Variants in SUGCT observed in about 807,000 individuals in gnomAD.
SUGCT encodes the protein succinyl-CoA:glutarate CoA-transferase.
Under a neutral mutation model 55.0 loss-of-function variants are expected in SUGCT, and 41 were observed. The observed-to-expected ratio is 0.74, with a 90% CI of 0.58 to 0.97. The LOEUF is 0.97. SUGCT is among the 50% of genes least tolerant of loss of function. SUGCT has a pLI of 0.00. For missense variants in SUGCT, 568 were observed against 547.8 expected (o/e 1.04, Z -0.37); for synonymous variants, 187 against 200.4 (o/e 0.93, Z 0.56).
At position 40,672,515 on chromosome 7, in the gene SUGCT, T is replaced by C. The variant is rs577249004; in HGVS notation, c.1090-76919T>C. ...ATGTACATTCTTGAAATAACAAAAT[T>C]ATAGAAATGGAAACTAGATGAGTGG... On this transcript the variant is annotated intron_variant, in intron 12 of 13. Transcript: ENST00000335693. Among the ~76,000 whole-genome samples the C allele has an allele frequency of 3.3e-5, 5 of 152,186 alleles. No individual in the cohort carries two copies. In the East Asian group the frequency reaches 9.7e-4, roughly 29 times the overall value.
chr7:40,750,384 G>C (rs978614156), intron 13 of SUGCT, among the ~76,000 whole-genome samples: 4 of 152,006 alleles, frequency 2.6e-5, no homozygotes, highest in Non-Finnish European at 5.9e-5. Flanking sequence ...TCTGATGGAG[G>C]TCAGTGAAAT....
intron 9 of SUGCT, among the ~76,000 whole-genome samples, chr7:40,318,650 T>A (rs1795561152): frequency 6.6e-6 from 1 of 152,238 alleles, no homozygotes; most frequent in Non-Finnish European, 1.5e-5. Flanking sequence ...TTGGCCAGAC[T>A]GGCCTCGACC....
chr7:40,934,010 G>T, the SUGCT span, among the ~76,000 whole-genome samples: 6,097 of 152,268 alleles, frequency 0.04, 140 homozygotes, highest in South Asian at 0.073. Flanking sequence ...TGGAGGAGAA[G>T]AGGCACTTTG....
chr7:40,219,893 C>A (rs1584376592), intron 6 of SUGCT, among the ~76,000 whole-genome samples: 2 of 146,986 alleles, frequency 1.4e-5, no homozygotes, highest in South Asian at 2.1e-4. Context: ...TCCCTTATAA[C>A]AAGTGTCAAT....
chr7:40,773,599 G>A (rs1562995054), intron 13 of SUGCT, among the ~76,000 whole-genome samples: 1 of 152,176 alleles, frequency 6.6e-6, no homozygotes, highest in South Asian at 2.1e-4. Flanking sequence ...GCAGCTCTCC[G>A]ATGGGAAAAT....
At chr7:40,558,787 C>T (rs903305547) in intron 12 of SUGCT, among the ~76,000 whole-genome samples, 1 of 152,108 alleles carries the variant, frequency 6.6e-6, no homozygotes, top group Non-Finnish European at 1.5e-5. Flanking sequence ...TATACTTTAC[C>T]ACAGTTTTAA....
At chr7:40,650,160 G>A (rs1800707233) in intron 12 of SUGCT, among the ~76,000 whole-genome samples, 1 of 152,186 alleles carries the variant, frequency 6.6e-6, no homozygotes, top group South Asian at 2.1e-4. Flanking sequence ...TCCTTGCCAC[G>A]TGGGTATCTC....
chr7:40,355,999 G>A (rs1332115509), intron 9 of SUGCT, among the ~76,000 whole-genome samples: 1 of 152,198 alleles, frequency 6.6e-6, no homozygotes, highest in African/African-American at 2.4e-5. Flanking sequence ...ACTTCCAATT[G>A]AAAGTTAGGT....
At chr7:40,510,936 A>G (rs1419295122) in intron 12 of SUGCT, among the ~76,000 whole-genome samples, 4 of 152,290 alleles carry the variant, frequency 2.6e-5, no homozygotes, top group South Asian at 2.1e-4. Context: ...TCCAATATAC[A>G]GATTCCAGAG....
chr7:40,891,816 T>C, the SUGCT span, among the ~76,000 whole-genome samples: 1 of 152,168 alleles, frequency 6.6e-6, no homozygotes, highest in African/African-American at 2.4e-5. Context: ...GAGACCATCC[T>C]GGCTAACAAG....
At chr7:40,632,525 A>G (rs1428753873) in intron 12 of SUGCT, among the ~76,000 whole-genome samples, 1 of 147,016 alleles carries the variant, frequency 6.8e-6, no homozygotes, top group African/African-American at 2.5e-5. Context: ...ACATGAAGAC[A>G]TACTAGATAG....
intron 8 of SUGCT, among the ~76,000 whole-genome samples, chr7:40,302,739 C>G (rs1291526744): frequency 6.6e-6 from 1 of 152,124 alleles, no homozygotes; most frequent in Non-Finnish European, 1.5e-5. Context: ...TCATTATTAA[C>G]TGATTACAGA....
chr7:40,757,487 A>G (rs1788316868), intron 13 of SUGCT, among the ~76,000 whole-genome samples: 1 of 152,226 alleles, frequency 6.6e-6, no homozygotes, highest in Admixed American at 6.5e-5. Context: ...CGATAAGTGA[A>G]TGTGTCTAAC....
At chr7:40,452,838 G>A (rs985279745) in intron 10 of SUGCT, among the ~76,000 whole-genome samples, 7 of 152,094 alleles carry the variant, frequency 4.6e-5, no homozygotes, top group Non-Finnish European at 7.4e-5. Flanking sequence ...CACTTACCCC[G>A]AGCACGGTGA....
At chr7:40,543,823 A>G (rs759327067) in intron 12 of SUGCT, among the ~76,000 whole-genome samples, 2 of 152,208 alleles carry the variant, frequency 1.3e-5, no homozygotes, top group African/African-American at 2.4e-5. Context: ...GTGTGTTTTA[A>G]TAATAAGTAT....
At chr7:40,236,442 C>CAAAAAAAAAAAAAAAAAA (rs60720770) in intron 6 of SUGCT, among the ~76,000 whole-genome samples, 2 of 90,020 alleles carry the variant, frequency 2.2e-5, no homozygotes, top group African/African-American at 5.0e-5. Flanking sequence ...TTTCTGATGG[C>CAAAAAAAAAAAAAAAAAA]AAAAAAAAAA....
chr7:40,575,630 A>T (rs1003492455), intron 12 of SUGCT, among the ~76,000 whole-genome samples: 2 of 151,888 alleles, frequency 1.3e-5, no homozygotes, highest in Non-Finnish European at 2.9e-5. Context: ...TTAGGTTTCC[A>T]TCACTTGTAC....
intron 8 of SUGCT, among the ~76,000 whole-genome samples, chr7:40,308,847 T>TA (rs1397796933): frequency 6.6e-6 from 1 of 152,086 alleles, no homozygotes; most frequent in African/African-American, 2.4e-5. Context: ...CTGCCTCTAC[T>TA]AAAAATACAA....
At chr7:40,165,318 C>G (rs1398630158) in intron 1 of SUGCT, among the ~76,000 whole-genome samples, 1 of 152,044 alleles carries the variant, frequency 6.6e-6, no homozygotes, top group African/African-American at 2.4e-5. Flanking sequence ...AGATGAACCA[C>G]TTGTGTGGGC....
Sources: allele counts gnomAD v4.1 joint callset (sites outside exome capture counted in the v4.1 genomes callset), GRCh38; gene constraint gnomAD v4.1.1; transcripts MANE v1.5; gene names NCBI Gene and HGNC (gene_info 2026-07-23, HGNC 2026-07-21).